Variants in MYBL2 observed in about 807,000 individuals in gnomAD.
MYBL2 encodes myb-related protein B.
In MYBL2, 28 loss-of-function variants were observed where a neutral mutation model predicts 79.9. The ratio of observed to expected loss-of-function variants is 0.35; its 90% confidence interval spans 0.26 to 0.48. The LOEUF is 0.48. MYBL2 is among the 20% of genes least tolerant of loss of function. The probability of loss-of-function intolerance (pLI) is 0.99; values close to 1 mark genes in which losing one functional copy is unlikely to be tolerated. For missense variants in MYBL2, 735 were observed against 893.9 expected (o/e 0.82, Z 2.27); for synonymous variants, 378 against 361.2 (o/e 1.05, Z -0.53).
intron 2 of MYBL2, among the ~76,000 whole-genome samples, chr20:43,681,401 G>C (rs62226207): frequency 0.027 from 4,095 of 152,294 alleles, 68 homozygotes; most frequent in Non-Finnish European, 0.037. Context: ...TGCTGCGAAT[G>C]GTCTGGCCCC....
chr20:43,713,549 G>A (rs137877692), intron 12 of MYBL2, among the ~76,000 whole-genome samples: 2,388 of 152,038 alleles, frequency 0.016, 59 homozygotes, highest in African/African-American at 0.054. Flanking sequence ...CACCACGCCC[G>A]GCTAATTTTG....
At chr20:43,678,478 C>G (rs1288366083) in intron 2 of MYBL2, among the ~76,000 whole-genome samples, 1 of 152,010 alleles carries the variant, frequency 6.6e-6, no homozygotes, top group African/African-American at 2.4e-5. Flanking sequence ...CTGAACTGGA[C>G]AAAGATGGAA....
chr20:43,711,411 TG>T, intron 10 of MYBL2, 76 bp from the exon 11 acceptor site: 1 of 1,132,928 alleles, frequency 8.8e-7, no homozygotes, highest in Non-Finnish European at 1.3e-6. Flanking sequence ...CAGTTGCAGC[TG>T]GGTTGGTCCC....
At chr20:43,703,022 A>C in intron 8 of MYBL2, 119 bp downstream of exon 8, 5 of 1,126,850 alleles carry the variant, frequency 4.4e-6, no homozygotes, top group Non-Finnish European at 4.9e-6. Flanking sequence ...ATGCTCTGGT[A>C]GGAAGACCAG....
chr20:43,686,483 T>C (rs1987276337), intron 4 of MYBL2, among the ~76,000 whole-genome samples: 1 of 152,248 alleles, frequency 6.6e-6, no homozygotes, highest in African/African-American at 2.4e-5. Flanking sequence ...TCCGTGTGTG[T>C]TGTTCCTCCT....
intron 9 of MYBL2, among the ~76,000 whole-genome samples, chr20:43,706,495 T>G (rs557741474): frequency 2.0e-5 from 3 of 151,996 alleles, no homozygotes; most frequent in Admixed American, 1.3e-4. Flanking sequence ...ATTTTGTGAT[T>G]CAGAAATCAG....
At chr20:43,690,413 C>T (rs1987379266) in intron 5 of MYBL2, among the ~76,000 whole-genome samples, 1 of 152,072 alleles carries the variant, frequency 6.6e-6, no homozygotes, top group African/African-American at 2.4e-5. Context: ...ACCATGTTGG[C>T]CAGGCTGGTG....
intron 1 of MYBL2, among the ~76,000 whole-genome samples, chr20:43,671,965 G>A (rs1223201970): frequency 4.7e-5 from 7 of 149,344 alleles, no homozygotes; most frequent in Non-Finnish European, 8.9e-5. Flanking sequence ...ATCCCAGCCC[G>A]TTGGGAGGCC....
chr20:43,716,368 G>A lies in MYBL2; in HGVS notation c.*281G>A, dbSNP rs1460273013. The A allele has an allele frequency of 8.4e-6, 4 of 476,332 alleles. No homozygotes were observed. Among genetic ancestry groups the A allele is most frequent in the African/African-American group, 2.0e-5 (1 of 49,676 alleles). The allele number at this position is 476,332 out of a possible 1,614,324, so 29.5% of individuals were successfully genotyped here. On this transcript the variant is annotated 3_prime_UTR_variant, in exon 14 of 14. Coordinates refer to ENST00000217026, the MANE Select transcript of MYBL2 (RefSeq NM_002466.4). The stretch of plus-strand genomic sequence containing the variant: ...CTCCGTCAGCTTCTCCCAAGCCCAC[G>A]TCAGGCCTGGCCTCATCTCAGACCC...
chr20:43,675,197 C>T (rs992250930), intron 2 of MYBL2, among the ~76,000 whole-genome samples: 1 of 152,112 alleles, frequency 6.6e-6, no homozygotes, highest in African/African-American at 2.4e-5. Context: ...CCAGGCTGGT[C>T]TCAAACTTCT....
At chr20:43,707,768 T>TC (rs142681731) in intron 9 of MYBL2, among the ~76,000 whole-genome samples, 5 of 151,820 alleles carry the variant, frequency 3.3e-5, no homozygotes, top group Admixed American at 6.6e-5. Flanking sequence ...TCTATTTTTT[T>TC]CCCCCCCGGC....
chr20:43,668,219 GAGA>G (rs1986770831), intron 1 of MYBL2, among the ~76,000 whole-genome samples: 1 of 56,254 alleles, frequency 1.8e-5, no homozygotes, highest in Admixed American at 1.8e-4. Flanking sequence ...TTTTTTTTTT[GAGA>G]AGGAGTCTCG....
In MYBL2 at chr20:43,715,215, T is replaced by C; in HGVS notation, c.1906T>C (p.Leu636=). 1 of 1,614,272 alleles carries C rather than the reference T, an allele frequency of 6.2e-7. No homozygotes were observed. The highest frequency in any genetic ancestry group is 8.5e-7 in the Non-Finnish European group (1 of 1,180,050). ...EDNSLLNQGF[L]QAKPEKAAVA... is the part of the protein sequence containing the mutation. ...CAACAGCTTGCTCAACCAGGGCTTC[T>C]TGCAGGCCAAGCCCGAGAAGGCAGC... The change falls in exon 13 of 14, where the codon TTG becomes CTG. Residue 636 remains leucine (L), a synonymous_variant. Transcript: ENST00000217026.
intron 5 of MYBL2, among the ~76,000 whole-genome samples, chr20:43,687,742 A>C (rs534772522): frequency 1.3e-5 from 2 of 152,116 alleles, no homozygotes; most frequent in African/African-American, 4.8e-5. Context: ...ATGGACGGGC[A>C]TGGTGGCTCA....
chr20:43,706,953 A>T (rs2145732051), intron 9 of MYBL2, among the ~76,000 whole-genome samples: 1 of 151,110 alleles, frequency 6.6e-6, no homozygotes, highest in Non-Finnish European at 1.5e-5. Context: ...TGACCTTGTG[A>T]TCCACTCGCC....
At position 43,681,797 on chromosome 20, in the gene MYBL2, G is replaced by C. The variant is rs763676789; in HGVS notation, c.128G>C (p.Arg43Thr). 4 of 1,614,202 alleles carry C rather than the reference G, an allele frequency of 2.5e-6. No individual in the cohort carries two copies. The highest frequency in any genetic ancestry group is 3.4e-6 in the Non-Finnish European group (4 of 1,180,036). The change falls in exon 3 of 14, where the codon AGG becomes ACG. Residue 43 changes from arginine to threonine, a missense_variant. By Grantham distance (71) the Arg-to-Thr change is moderately conservative. Transcript: ENST00000217026. ...KWTHEEDEQL[R>T]ALVRQFGQQD... ...TGGTGTTGGCAGGACGAGCAGCTGA[G>C]GGCCCTGGTGAGGCAGTTTGGACAG...
At chr20:43,681,884 T>A in intron 3 of MYBL2, 29 bp downstream of exon 3, 1 of 1,609,874 alleles carries the variant, frequency 6.2e-7, no homozygotes, top group Non-Finnish European at 8.5e-7. Flanking sequence ...TGGCCCTCCC[T>A]CGGGGCAAGG....
In MYBL2 at chr20:43,715,322, C is replaced by T. The variant is rs749577776; in HGVS notation, c.1974+39C>T. On this transcript the variant is annotated intron_variant, in intron 13 of 13. Transcript: ENST00000217026. ...CCATCTCTGGGGGTCCTGCAGTGCCCGCCTTCTTAGCTCAGGGCTGAGTGC... is the reference window on the plus strand; with the variant it reads ...CCATCTCTGGGGGTCCTGCAGTGCCTGCCTTCTTAGCTCAGGGCTGAGTGC... The T allele has an allele frequency of 4.5e-5, 73 of 1,612,920 alleles. No individual in the cohort carries two copies. In the East Asian group the frequency reaches 1.0e-3, roughly 23 times the overall value.
At chr20:43,695,247 G>T (rs994632090) in intron 6 of MYBL2, among the ~76,000 whole-genome samples, 2 of 151,936 alleles carry the variant, frequency 1.3e-5, no homozygotes, top group African/African-American at 4.8e-5. Context: ...TGCCATTTTG[G>T]CCAGGCTGGT....
Sources: allele counts gnomAD v4.1 joint callset (sites outside exome capture counted in the v4.1 genomes callset), GRCh38; gene constraint gnomAD v4.1.1; transcripts MANE v1.5; gene names NCBI Gene and HGNC (gene_info 2026-07-23, HGNC 2026-07-21).